The following SUMF2 variants were observed in gnomAD, a reference collection of about 807,000 sequenced individuals.
The protein encoded by SUMF2 is inactive C-alpha-formylglycine-generating enzyme 2.
A neutral mutation model predicts 44.8 loss-of-function variants in SUMF2; 45 were observed. The observed-to-expected ratio is 1.00, with a 90% confidence interval of 0.79 to 1.29. The LOEUF is 1.29. Ranked by LOEUF, SUMF2 falls within the 50% of genes most tolerant of loss-of-function variation. The pLI is 0.00. For missense variants in SUMF2, 418 were observed against 389.9 expected (o/e 1.07, Z -0.61); for synonymous variants, 148 against 150.4 (o/e 0.98, Z 0.12).
downstream of SUMF2, chr7:56,081,581 G>C: frequency 2.5e-6 from 4 of 1,603,338 alleles, no homozygotes; most frequent in Non-Finnish European, 3.4e-6. This position sits in a 1 kb window ranked among gnomAD's most constrained non-coding sequence, Gnocchi z 4.6. Context: ...AGGGGGCTTA[G>C]AGGTTTGCAC....
chr7:56,075,955 C>T (rs1488120572), intron 5 of SUMF2, among the ~76,000 whole-genome samples: 32 of 151,786 alleles, frequency 2.1e-4, no homozygotes, highest in Non-Finnish European at 1.2e-4. Flanking sequence ...CTCCGCCTCC[C>T]GGGTTCAAGG....
chr7:56,068,128 G>A (rs1794931454), intron 1 of SUMF2, among the ~76,000 whole-genome samples: 1 of 147,772 alleles, frequency 6.8e-6, no homozygotes, highest in African/African-American at 2.5e-5. Context: ...CCGCCTCCCG[G>A]GTTTACACCA....
chr7:56,068,455 A>C, intron 1 of SUMF2, 27 bp from the exon 2 acceptor site: 1 of 1,593,256 alleles, frequency 6.3e-7, no homozygotes, highest in South Asian at 1.1e-5. Context: ...TGCATGTATT[A>C]CTGGTAACTC....
Position 56,073,109 on chromosome 7 carries a change from A to T in SUMF2, c.337A>T (p.Lys113Ter). Residue 113 changes from lysine to a stop codon, truncating the protein, a stop_gained and splice_region_variant, in exon 3 of 9, where the codon AAG (lysine) becomes TAG (stop). Transcript: ENST00000434526. LOFTEE classifies it high-confidence loss of function. ...GAGAAACAAAGCCACCCAGCCAATG[A>T]AGGTGAGAGAACCTGGTCTTGCAGC... The part of the protein sequence containing the change: ...ELRNKATQPM[K>*]SVLWWLPVEK... 1 of 1,613,240 alleles carries T rather than the reference A, an allele frequency of 6.2e-7. No individual in the cohort carries two copies.
chr7:56,084,352 A>G, downstream of SUMF2: 1 of 606,500 alleles, frequency 1.6e-6, no homozygotes, highest in Non-Finnish European at 2.9e-6. Context: ...CCCAGATCAG[A>G]AGGACGTGAG....
chr7:56,086,969 C>T, the SUMF2 span: 3 of 1,611,906 alleles, frequency 1.9e-6, no homozygotes, highest in Admixed American at 5.0e-5. Flanking sequence ...TGGGTACTTA[C>T]AGGTCAAACA....
chr7:56,087,704 G>A, the SUMF2 span: 4 of 1,613,916 alleles, frequency 2.5e-6, no homozygotes, highest in Middle Eastern at 1.6e-4. Context: ...CACCGGTGAC[G>A]TCGATGACCT....
At chr7:56,071,778 C>G (rs1405408661) in intron 2 of SUMF2, among the ~76,000 whole-genome samples, 1 of 135,528 alleles carries the variant, frequency 7.4e-6, no homozygotes, top group Non-Finnish European at 1.6e-5. Context: ...GAGTGAGACT[C>G]CGTCTAAAAA....
chr7:56,076,772 CT>C (rs920407169), intron 5 of SUMF2, 61 bp from the exon 6 acceptor site: 368 of 1,465,880 alleles, frequency 2.5e-4, no homozygotes, highest in Non-Finnish European at 3.1e-4. Context: ...TTTCTGTGTT[CT>C]TTTTTCCTTC....
chr7:56,076,939 A>T (rs1795598635), intron 6 of SUMF2, 50 bp downstream of exon 6: 1 of 1,560,960 alleles, frequency 6.4e-7, no homozygotes. Context: ...GACCTGCTGG[A>T]GGCTGGGCAC....
In SUMF2 at chr7:56,070,368, G is replaced by A. The variant is rs555810454; in HGVS notation, c.224+1730G>A. Among the ~76,000 whole-genome samples the A allele has an allele frequency of 2.6e-5, 4 of 152,076 alleles. No homozygotes were observed. The East Asian group carries it at 7.7e-4, about 29-fold the overall frequency. ...GGGCTGGATGCAGTGGCTCACGTCTGTAATCCCAACAATTTGGGAGGCTGA... is the reference window on the plus strand; with the variant it reads ...GGGCTGGATGCAGTGGCTCACGTCTATAATCCCAACAATTTGGGAGGCTGA... On this transcript the variant is annotated intron_variant, in intron 2 of 8. Transcript: ENST00000434526.
chr7:56,082,094 G>A (rs762358255), downstream of SUMF2: 9 of 1,608,948 alleles, frequency 5.6e-6, no homozygotes, highest in East Asian at 2.2e-5. Flanking sequence ...CAGGGGCACC[G>A]GCCCAGCCCT....
intron 6 of SUMF2, 118 bp from the exon 7 acceptor site, chr7:56,077,984 C>G: frequency 1.2e-6 from 1 of 810,620 alleles, no homozygotes; most frequent in Non-Finnish European, 2.0e-6. Context: ...GTCACCGCCC[C>G]GTGCCCTTCC....
chr7:56,080,812 C>G (rs913505291), downstream of SUMF2: 13 of 560,370 alleles, frequency 2.3e-5, no homozygotes, highest in African/African-American at 1.9e-4. Context: ...GGTTCTCAGG[C>G]CACGTGTGAT....
Position 56,080,349 on chromosome 7 carries a change from G to C in SUMF2, c.*737G>C, listed in dbSNP as rs1042190199. 1 of 141,572 alleles carries C rather than the reference G, an allele frequency of 7.1e-6. No homozygotes were observed. The highest frequency in any genetic ancestry group is 2.8e-5 in the African/African-American group (1 of 36,166). 8.8% of individuals were successfully genotyped at this position (141,572 alleles called of 1,614,324 possible). A position where few individuals can be genotyped will look rare whatever the true frequency, so the allele number is the denominator to read the frequency against. ...GGTGATCACGGCTCACTCTAGCCTT[G>C]AATTCCTGGGCCCAAGCAATTCTCC... On this transcript the variant is annotated 3_prime_UTR_variant, in exon 9 of 9. Coordinates refer to ENST00000434526, the MANE Select transcript of SUMF2 (RefSeq NM_015411.4).
rs1250505142 is a variant in SUMF2, at chr7:56,068,730, C to T, written c.224+92C>T. 7 of 1,416,320 alleles carry T rather than the reference C, an allele frequency of 4.9e-6. No individual in the cohort carries two copies. The African/African-American group carries it at 7.4e-5, about 15-fold the overall frequency. 87.7% of individuals were successfully genotyped at this position (1,416,320 alleles called of 1,614,324 possible). ...TTTTTTTTTTGTTTTTTGAGACTGA[C>T]TCCCTCTGTCACCCAGGTGCTGGAG... On this transcript the variant is annotated intron_variant, in intron 2 of 8. Coordinates refer to ENST00000434526, the MANE Select transcript of SUMF2 (RefSeq NM_015411.4).
At chr7:56,070,467 T>TA (rs915773516) in intron 2 of SUMF2, among the ~76,000 whole-genome samples, 107 of 142,810 alleles carry the variant, frequency 7.5e-4, no homozygotes, top group East Asian at 3.1e-3. Context: ...TACTAAAAAT[T>TA]AAAAAAAAAA....
At chr7:56,072,425 C>CA (rs1191468722) in intron 2 of SUMF2, among the ~76,000 whole-genome samples, 1 of 150,144 alleles carries the variant, frequency 6.7e-6, no homozygotes, top group Non-Finnish European at 1.5e-5. Flanking sequence ...GACTTTGTCT[C>CA]AAAAAAATAA....
At chr7:56,070,423 C>G (rs938730536) in intron 2 of SUMF2, among the ~76,000 whole-genome samples, 1 of 150,732 alleles carries the variant, frequency 6.6e-6, no homozygotes, top group East Asian at 1.9e-4. Context: ...CCCAGGAGTT[C>G]GAGACCATCC....
Sources: gnomAD v4.1 joint callset for allele counts (sites outside exome capture counted in the v4.1 genomes callset) on GRCh38, gnomAD v4.1.1 for gene constraint, Gnocchi (gnomAD v3.1) non-coding constraint, MANE v1.5 for transcripts, NCBI Gene and HGNC (gene_info 2026-07-23, HGNC 2026-07-21) for gene names.